Variants in AFF3 observed in about 807,000 individuals in gnomAD.
AFF3 encodes AF4/FMR2 family member 3.
Under a neutral mutation model 129.7 loss-of-function variants are expected in AFF3, and 32 were observed. The ratio of observed to expected loss-of-function variants is 0.25; its 90% confidence interval spans 0.19 to 0.33. AFF3 has a LOEUF of 0.33. AFF3 is among the 10% of genes least tolerant of loss of function. AFF3 has a pLI of 1.00. For synonymous variants in AFF3, 644 were observed against 635.4 expected (o/e 1.01, Z -0.20); for missense variants, 1,373 against 1,592.0 (o/e 0.86, Z 2.34).
chr2:99,777,147 C>G (rs1683967346), intron 8 of AFF3, among the ~76,000 whole-genome samples: 1 of 152,186 alleles, frequency 6.6e-6, no homozygotes, highest in Admixed American at 6.5e-5. Flanking sequence ...TAGCCAGTGC[C>G]ACACAAAGCA....
chr2:100,044,423 C>G (rs1685673753), intron 4 of AFF3, among the ~76,000 whole-genome samples: 1 of 151,888 alleles, frequency 6.6e-6, no homozygotes, highest in Non-Finnish European at 1.5e-5. Flanking sequence ...AGCTCCGTTT[C>G]ACAACCCCCT....
intron 19 of AFF3, among the ~76,000 whole-genome samples, chr2:99,565,912 C>G (rs1675916866): frequency 6.6e-6 from 1 of 152,202 alleles, no homozygotes; most frequent in African/African-American, 2.4e-5. Context: ...CTGTTTCCCT[C>G]TTTCTAACCC....
intron 7 of AFF3, among the ~76,000 whole-genome samples, chr2:99,923,204 A>T (rs1225277782): frequency 1.3e-5 from 2 of 152,190 alleles, no homozygotes; most frequent in African/African-American, 4.8e-5. Context: ...GGAAATCTGA[A>T]GACAAGGCAG....
intron 8 of AFF3, among the ~76,000 whole-genome samples, chr2:99,784,039 C>T (rs1326842869): frequency 1.3e-5 from 2 of 152,180 alleles, no homozygotes; most frequent in Admixed American, 1.3e-4. Flanking sequence ...GAAAAGTATT[C>T]AAAGAAAACA....
intron 11 of AFF3, among the ~76,000 whole-genome samples, chr2:99,711,670 T>C (rs1258856477): frequency 1.3e-5 from 2 of 152,234 alleles, no homozygotes; most frequent in Non-Finnish European, 2.9e-5. Context: ...ACAGCGAATG[T>C]ATGTGTTCCA....
At chr2:100,025,785 A>G (rs1050901444) in intron 4 of AFF3, among the ~76,000 whole-genome samples, 1 of 152,240 alleles carries the variant, frequency 6.6e-6, no homozygotes, top group Non-Finnish European at 1.5e-5. Context: ...GCAAACAAAA[A>G]CATAAAATGG....
intron 7 of AFF3, among the ~76,000 whole-genome samples, chr2:100,000,374 G>A (rs1344715241): frequency 6.6e-6 from 1 of 151,936 alleles, no homozygotes; most frequent in African/African-American, 2.4e-5. Flanking sequence ...CTCAGGAGGG[G>A]GCTAGCATCA....
At chr2:99,556,539 A>T (rs1451319788) in intron 22 of AFF3, among the ~76,000 whole-genome samples, 2 of 152,014 alleles carry the variant, frequency 1.3e-5, no homozygotes, top group Non-Finnish European at 2.9e-5. Flanking sequence ...CTTTTTTTTT[A>T]GAGATAGCTC....
At chr2:99,703,873 T>TA (rs1677109808) in intron 11 of AFF3, among the ~76,000 whole-genome samples, 1 of 152,338 alleles carries the variant, frequency 6.6e-6, no homozygotes, top group South Asian at 2.1e-4. Flanking sequence ...GAACATTTCT[T>TA]AGAGTTGCAT....
chr2:99,670,845 T>C (rs1327269280), intron 12 of AFF3, among the ~76,000 whole-genome samples: 1 of 152,214 alleles, frequency 6.6e-6, no homozygotes, highest in Non-Finnish European at 1.5e-5. Context: ...GGAAGGTATA[T>C]TCACATAGGA....
At chr2:99,757,119 G>C (rs1423983398) in intron 8 of AFF3, among the ~76,000 whole-genome samples, 1 of 152,036 alleles carries the variant, frequency 6.6e-6, no homozygotes, top group Admixed American at 6.6e-5. Context: ...CTGTTCCTTG[G>C]GTGTTTTGTG....
At chr2:100,033,837 TC>T (rs1321230441) in intron 4 of AFF3, among the ~76,000 whole-genome samples, 13 of 152,188 alleles carry the variant, frequency 8.5e-5, no homozygotes, top group Admixed American at 8.5e-4. Context: ...TTTGTGTATA[TC>T]AAATTAAAAT....
intron 14 of AFF3, among the ~76,000 whole-genome samples, chr2:99,596,282 C>T (rs1172949107): frequency 1.3e-5 from 2 of 152,264 alleles, no homozygotes; most frequent in East Asian, 1.9e-4. Flanking sequence ...GTGCATGTGG[C>T]GGTGGCAGAT....
chr2:100,057,551 C>G (rs1194840180), intron 4 of AFF3, among the ~76,000 whole-genome samples: 1 of 152,152 alleles, frequency 6.6e-6, no homozygotes, highest in African/African-American at 2.4e-5. Flanking sequence ...ATATTACTAT[C>G]AGTGTTATTA....
chr2:99,565,440 A>G, intron 20 of AFF3, 47 bp downstream of exon 20: 2 of 1,600,582 alleles, frequency 1.2e-6, no homozygotes, highest in Non-Finnish European at 1.7e-6. Context: ...GTGCTTCCAC[A>G]CATTCCTCAC....
chr2:99,692,717 T>C (rs6730914), intron 11 of AFF3, among the ~76,000 whole-genome samples: 11,582 of 151,796 alleles, frequency 0.076, 503 homozygotes, highest in East Asian at 0.11. Context: ...ATGGAGGATA[T>C]GTTGTCTTGG....
chr2:100,108,908 C>CTTTT lies in AFF3; in HGVS notation c.-144-3329_-144-3326dup, dbSNP rs34769933. ...GTTTCTGGGAATGTGCATTTCTTTC[C>CTTTT]TTTTTTTTTTTTTTTTTTTTTTTTT... is the stretch of plus-strand genomic sequence containing the variant. On this transcript the variant is annotated intron_variant, in intron 2 of 24. Coordinates refer to ENST00000672756, the MANE Select transcript of AFF3 (RefSeq NM_001386135.1). Among the ~76,000 whole-genome samples the CTTTT allele has an allele frequency of 3.3e-3, 294 of 88,088 alleles. 10 individuals carry two copies. The highest frequency in any genetic ancestry group is 0.012 in the African/African-American group (271 of 23,024). 57.8% of individuals were successfully genotyped at this position (88,088 alleles called of 152,430 possible).
chr2:100,078,807 T>C (rs1688803468), intron 4 of AFF3, among the ~76,000 whole-genome samples: 1 of 152,200 alleles, frequency 6.6e-6, no homozygotes, highest in South Asian at 2.1e-4. Context: ...TCTAAGCACA[T>C]GCTCCCATAT....
At chr2:99,557,380 A>G (rs942469590) in intron 22 of AFF3, among the ~76,000 whole-genome samples, 1 of 151,784 alleles carries the variant, frequency 6.6e-6, no homozygotes, top group Non-Finnish European at 1.5e-5. Flanking sequence ...CCCGGGTTCA[A>G]ACGATTCTCG....
Sources: gnomAD v4.1 joint callset for allele counts (sites outside exome capture counted in the v4.1 genomes callset) on GRCh38, gnomAD v4.1.1 for gene constraint, MANE v1.5 for transcripts, NCBI Gene and HGNC (gene_info 2026-07-23, HGNC 2026-07-21) for gene names.